RBFOX1: variants seen among roughly 807,000 people sequenced by gnomAD.
RBFOX1 encodes the protein RNA binding fox-1 homolog 1, also known as RNA binding protein fox-1 homolog 1.
RBFOX1 carries 8 observed loss-of-function variants against 57.7 expected under a neutral mutation model. The ratio of observed to expected loss-of-function variants is 0.14; its 90% CI spans 0.08 to 0.25. The LOEUF is 0.25. RBFOX1 is among the 10% of genes least tolerant of loss of function. The pLI is 1.00. For synonymous variants in RBFOX1, 326 were observed against 222.4 expected, an observed-to-expected ratio of 1.47 and a Z score of -4.15; for missense variants, 611 against 548.5, an observed-to-expected ratio of 1.11 and a Z score of -1.14.
At chr16:7,053,307 C>T (rs1273140300) in intron 4 of RBFOX1, among the ~76,000 whole-genome samples, 2 of 152,174 alleles carry the variant, frequency 1.3e-5, no homozygotes, top group Non-Finnish European at 2.9e-5. Flanking sequence ...CACTTTCCTC[C>T]AAGTACCTGT....
chr16:5,868,104 G>C (rs145638975), intron 4 of RBFOX1, among the ~76,000 whole-genome samples: 2 of 152,186 alleles, frequency 1.3e-5, no homozygotes, highest in Non-Finnish European at 2.9e-5. Flanking sequence ...AAGCTGTTCA[G>C]AAGTCACCAG....
At chr16:5,930,202 AATGGATGGATGG>A (rs56153541) in intron 4 of RBFOX1, among the ~76,000 whole-genome samples, 24 of 112,148 alleles carry the variant, frequency 2.1e-4, no homozygotes, top group African/African-American at 6.4e-4. Flanking sequence ...AAGAAAGAAG[AATGGATGGATGG>A]ATGGATGGAT....
intron 3 of RBFOX1, among the ~76,000 whole-genome samples, chr16:5,825,758 TAA>T (rs1303083444): frequency 3.4e-5 from 5 of 147,718 alleles, no homozygotes; most frequent in Non-Finnish European, 7.6e-5. Flanking sequence ...TTAATATGAA[TAA>T]GGAATAATAT....
chr16:5,675,191 C>T (rs1013749648), intron 3 of RBFOX1, among the ~76,000 whole-genome samples: 3 of 152,010 alleles, frequency 2.0e-5, no homozygotes, highest in African/African-American at 7.3e-5. Flanking sequence ...TGTATATATA[C>T]ATCCACATGC....
At chr16:5,905,842 A>G (rs896577815) in intron 4 of RBFOX1, among the ~76,000 whole-genome samples, 14 of 152,028 alleles carry the variant, frequency 9.2e-5, no homozygotes, top group Admixed American at 4.6e-4. Context: ...AAAGTGATAC[A>G]CTCCCCAAAT....
intron 4 of RBFOX1, among the ~76,000 whole-genome samples, chr16:7,175,790 C>G (rs149663504): frequency 6.6e-5 from 10 of 152,284 alleles, no homozygotes; most frequent in African/African-American, 1.4e-4. Context: ...CAGAGTAAAG[C>G]AAGTCTCTGC....
intron 4 of RBFOX1, among the ~76,000 whole-genome samples, chr16:7,127,687 A>G (rs913720837): frequency 5.3e-5 from 8 of 152,192 alleles, no homozygotes; most frequent in Non-Finnish European, 1.2e-4. Context: ...TGTGGAATGA[A>G]TGAGTTTCTT....
At chr16:5,721,786 C>G (rs866185308) in intron 3 of RBFOX1, among the ~76,000 whole-genome samples, 1 of 152,200 alleles carries the variant, frequency 6.6e-6, no homozygotes, top group Admixed American at 6.5e-5. Flanking sequence ...ATTCTCTAAC[C>G]TGTCACAACC....
intron 1 of RBFOX1, among the ~76,000 whole-genome samples, chr16:6,166,448 CTT>C: frequency 6.6e-6 from 1 of 151,128 alleles, no homozygotes; most frequent in Admixed American, 6.6e-5. Context: ...GTGTCTCTCT[CTT>C]TCTCTCTGAC....
chr16:5,819,936 C>G (rs896229666), intron 3 of RBFOX1, among the ~76,000 whole-genome samples: 1 of 152,180 alleles, frequency 6.6e-6, no homozygotes, highest in Non-Finnish European at 1.5e-5. Context: ...TTCTGCTGGC[C>G]TTTATCGTCG....
chr16:6,137,678 A>G (rs183735147), intron 1 of RBFOX1, among the ~76,000 whole-genome samples: 181 of 147,636 alleles, frequency 1.2e-3, no homozygotes, highest in African/African-American at 4.3e-3. Context: ...AAGTGACACA[A>G]TCATGGCTTA....
At chr16:5,861,872 A>G (rs777814497) in intron 3 of RBFOX1, among the ~76,000 whole-genome samples, 1 of 152,212 alleles carries the variant, frequency 6.6e-6, no homozygotes, top group African/African-American at 2.4e-5. Context: ...AGGTCAGGAA[A>G]GAAAAGACCA....
chr16:5,738,991 C>A (rs572041710), intron 3 of RBFOX1, among the ~76,000 whole-genome samples: 5 of 142,010 alleles, frequency 3.5e-5, no homozygotes, highest in East Asian at 4.6e-4. Context: ...ACTCCACACA[C>A]CCCTTCCTCC....
chr16:7,218,068 T>C (rs1032053406), intron 4 of RBFOX1, among the ~76,000 whole-genome samples: 3 of 124,056 alleles, frequency 2.4e-5, no homozygotes, highest in African/African-American at 3.4e-5. Flanking sequence ...TGTGCGTGTG[T>C]GTGTGTGCGT....
chr16:6,148,754 A>G (rs1230491464), intron 1 of RBFOX1, among the ~76,000 whole-genome samples: 1 of 152,232 alleles, frequency 6.6e-6, no homozygotes, highest in African/African-American at 2.4e-5. Flanking sequence ...TTTATCTAAT[A>G]GTGAGAAAGA....
At chr16:7,203,549 T>C (rs145626790) in intron 4 of RBFOX1, among the ~76,000 whole-genome samples, 88 of 152,370 alleles carry the variant, frequency 5.8e-4, no homozygotes, top group African/African-American at 2.0e-3. Flanking sequence ...ATGTTGTATT[T>C]GTGTTACCAC....
Position 5,908,506 on chromosome 16 carries a change from C to T in RBFOX1, c.351+41171C>T, listed in dbSNP as rs546470118. ...TAGCAGGGATTACAGGTGCCTGCCA[C>T]CATGCCCGGCTATTTTTTGTATTTT... On this transcript the variant is annotated intron_variant, in intron 4 of 19. Transcript: ENST00000641259. Among the ~76,000 whole-genome samples the T allele has an allele frequency of 8.6e-5, 13 of 151,974 alleles. No individual in the cohort carries two copies. The East Asian group carries it at 2.5e-3, about 29-fold the overall frequency.
At chr16:7,203,162 A>T (rs2089065023) in intron 4 of RBFOX1, among the ~76,000 whole-genome samples, 1 of 152,222 alleles carries the variant, frequency 6.6e-6, no homozygotes, top group Admixed American at 6.5e-5. Flanking sequence ...TGATGAACAG[A>T]TAAGCAAAAT....
At chr16:5,455,554 G>A (rs920657779) in intron 1 of RBFOX1, among the ~76,000 whole-genome samples, 96 of 152,212 alleles carry the variant, frequency 6.3e-4, no homozygotes, top group African/African-American at 2.3e-3. Context: ...CTTACCTAAG[G>A]TAACCACATA....
Sources: allele counts gnomAD v4.1 joint callset (sites outside exome capture counted in the v4.1 genomes callset), GRCh38; gene constraint gnomAD v4.1.1; transcripts MANE v1.5; gene names NCBI Gene and HGNC (gene_info 2026-07-23, HGNC 2026-07-21).